ROR1: variants seen among roughly 807,000 people sequenced by gnomAD.
ROR1 encodes inactive tyrosine-protein kinase transmembrane receptor ROR1.
Under a neutral mutation model 78.8 loss-of-function variants are expected in ROR1, and 19 were observed. That is an observed-to-expected ratio of 0.24 (90% CI 0.17 to 0.35). The LOEUF is 0.35. Among genes scored for constraint, ROR1 ranks in the 10% least tolerant of loss-of-function variants. The pLI is 1.00. For missense variants in ROR1, 917 were observed against 1,177.8 expected (o/e 0.78, Z 3.24); for synonymous variants, 386 against 433.6 (o/e 0.89, Z 1.36).
In ROR1 at chr1:64,179,094, A is replaced by T. The variant is rs1650482256; in HGVS notation, c.*239A>T. 2.5e-6 allele frequency: 1 copy of T among 403,462 alleles called. No homozygotes were observed. The highest frequency in any genetic ancestry group is 4.4e-6 in the Non-Finnish European group (1 of 227,484). The allele number at this position is 403,462 out of a possible 1,614,324, so 25.0% of individuals were successfully genotyped here. On this transcript the variant is annotated 3_prime_UTR_variant, in exon 9 of 9. Coordinates refer to ENST00000371079, the MANE Select transcript of ROR1 (RefSeq NM_005012.4). ...GATGTGCACTCCATTGGAGTGCATG[A>T]CATGGCATTGGGATTGGAACATGTG...
chr1:64,016,733 T>TTTTATATATATATATA (rs1553151714), intron 2 of ROR1, among the ~76,000 whole-genome samples: 18 of 140,610 alleles, frequency 1.3e-4, no homozygotes, highest in South Asian at 7.2e-4. Context: ...TAAAATATAA[T>TTTTATATATATATATA]TATATATATA....
intron 4 of ROR1, among the ~76,000 whole-genome samples, chr1:64,077,364 C>A (rs1266256135): frequency 6.6e-6 from 1 of 152,216 alleles, no homozygotes; most frequent in Non-Finnish European, 1.5e-5. Context: ...AACTACCAAG[C>A]AACGTTCTTT....
chr1:63,870,729 C>G (rs1645245688), intron 1 of ROR1, among the ~76,000 whole-genome samples: 1 of 152,148 alleles, frequency 6.6e-6, no homozygotes, highest in South Asian at 2.1e-4. Flanking sequence ...TATCCCTTCC[C>G]AGACTGAGGA....
At chr1:64,102,596 A>G (rs1463054110) in intron 4 of ROR1, among the ~76,000 whole-genome samples, 1 of 152,214 alleles carries the variant, frequency 6.6e-6, no homozygotes, top group Non-Finnish European at 1.5e-5. Context: ...CTGGTGATAC[A>G]AGTGCTGTGA....
intron 1 of ROR1, among the ~76,000 whole-genome samples, chr1:63,831,536 G>C (rs1362146210): frequency 3.3e-5 from 5 of 152,202 alleles, no homozygotes; most frequent in Non-Finnish European, 7.3e-5. Context: ...TGGAACTGGA[G>C]TGGCTGAGAC....
At chr1:63,927,956 TC>T (rs377471870) in intron 1 of ROR1, among the ~76,000 whole-genome samples, 1 of 69,042 alleles carries the variant, frequency 1.4e-5, no homozygotes, top group Non-Finnish European at 4.3e-5. Context: ...TGTAAGGGGT[TC>T]CCTTTTTTTT....
chr1:63,836,658 A>T (rs938323507), intron 1 of ROR1, among the ~76,000 whole-genome samples: 7 of 152,174 alleles, frequency 4.6e-5, no homozygotes, highest in Non-Finnish European at 8.8e-5. Context: ...CACTAATCAG[A>T]CCTAAAATTA....
intron 1 of ROR1, chr1:63,789,024 G>A (rs749663768): frequency 6.0e-5 from 38 of 631,760 alleles, no homozygotes; most frequent in Admixed American, 1.1e-4. Flanking sequence ...CCTCATCCAC[G>A]TGACCTTCTC....
intron 1 of ROR1, among the ~76,000 whole-genome samples, chr1:63,963,749 GT>G (rs1210232105): frequency 6.6e-6 from 1 of 152,040 alleles, no homozygotes; most frequent in Admixed American, 6.6e-5. Flanking sequence ...AAGTAGAAGT[GT>G]TTTCTGGAAC....
intron 1 of ROR1, among the ~76,000 whole-genome samples, chr1:63,853,819 T>C (rs1645131574): frequency 1.3e-5 from 2 of 152,214 alleles, no homozygotes; most frequent in South Asian, 4.1e-4. Flanking sequence ...TGATAAAGGA[T>C]CATTCCACAT....
Position 63,774,312 on chromosome 1 carries a change from G to A in ROR1, c.-106G>A. On this transcript the variant is annotated 5_prime_UTR_variant, in exon 1 of 9. Transcript: ENST00000371079. This position sits in a 1 kb window ranked among gnomAD's most constrained non-coding sequence, Gnocchi z 5.7. Reference sequence around the variant, plus strand: ...TTTGCAGACGTCCCCGGCGTCCTGCGAGCGCCAGCGGCCGGGACGAGGCGG... The same window carrying A: ...TTTGCAGACGTCCCCGGCGTCCTGCAAGCGCCAGCGGCCGGGACGAGGCGG... 1.6e-6 allele frequency: 1 copy of A among 625,194 alleles called. No individual in the cohort carries two copies. The highest frequency in any genetic ancestry group is 2.4e-6 in the Non-Finnish European group (1 of 421,142). 38.7% of individuals were successfully genotyped at this position (625,194 alleles called of 1,614,324 possible). A position where few individuals can be genotyped will look rare whatever the true frequency, so the allele number is the denominator to read the frequency against.
rs149313316 is a variant in ROR1, at chr1:64,033,117, C to T, written c.164-16574C>T. ...ACACTTAAAAATAATTAAAATTGTA[C>T]GTTTTGTCACGTATATTTTACCACA... On this transcript the variant is annotated intron_variant, in intron 2 of 8. Transcript: ENST00000371079. Among the ~76,000 whole-genome samples the T allele has an allele frequency of 4.6e-3, 700 of 152,194 alleles. 3 individuals carry two copies. Among genetic ancestry groups the T allele is most frequent in the Non-Finnish European group, 6.1e-3 (418 of 68,004 alleles).
At chr1:64,011,667 A>G (rs1646475563) in intron 2 of ROR1, among the ~76,000 whole-genome samples, 1 of 152,168 alleles carries the variant, frequency 6.6e-6, no homozygotes, top group African/African-American at 2.4e-5. Flanking sequence ...AGACTCCTTT[A>G]TTTGTTCAAC....
chr1:63,833,199 A>G (rs1185758546), intron 1 of ROR1, among the ~76,000 whole-genome samples: 2 of 152,348 alleles, frequency 1.3e-5, no homozygotes, highest in East Asian at 3.9e-4. Context: ...CTGTTTTATT[A>G]TTAATATTAA....
At chr1:63,839,353 T>TATCTATC (rs1645036112) in intron 1 of ROR1, among the ~76,000 whole-genome samples, 1 of 54,792 alleles carries the variant, frequency 1.8e-5, no homozygotes, top group African/African-American at 6.4e-5. Flanking sequence ...ATCATCTATC[T>TATCTATC]ATCTATCTAT....
chr1:64,053,678 A>G (rs569763421), intron 4 of ROR1, among the ~76,000 whole-genome samples: 2 of 152,342 alleles, frequency 1.3e-5, no homozygotes, highest in Admixed American at 1.3e-4. Context: ...ATTTTAAAAT[A>G]CATAGAAAGT....
intron 1 of ROR1, among the ~76,000 whole-genome samples, chr1:63,777,934 T>C (rs1045603559): frequency 2.0e-5 from 3 of 152,248 alleles, no homozygotes; most frequent in African/African-American, 7.2e-5. Context: ...AATTCTGATA[T>C]ATGCTTTGCT....
At chr1:63,862,146 A>G (rs1363241451) in intron 1 of ROR1, among the ~76,000 whole-genome samples, 1 of 152,072 alleles carries the variant, frequency 6.6e-6, no homozygotes, top group Non-Finnish European at 1.5e-5. Flanking sequence ...TAATCCCAGC[A>G]CTTTGGGAGA....
intron 1 of ROR1, among the ~76,000 whole-genome samples, chr1:63,928,780 A>G (rs1645728146): frequency 6.6e-6 from 1 of 152,210 alleles, no homozygotes; most frequent in Non-Finnish European, 1.5e-5. Context: ...TAAATGGGTT[A>G]ATACAAATAA....
Sources: gnomAD v4.1 joint callset for allele counts (sites outside exome capture counted in the v4.1 genomes callset) on GRCh38, gnomAD v4.1.1 for gene constraint, Gnocchi (gnomAD v3.1) non-coding constraint, MANE v1.5 for transcripts, NCBI Gene and HGNC (gene_info 2026-07-23, HGNC 2026-07-21) for gene names.